The following KCNIP4 variants were observed in gnomAD, a reference collection of about 807,000 sequenced individuals.
KCNIP4 encodes Kv channel-interacting protein 4.
KCNIP4 carries 12 observed loss-of-function variants against 34.0 expected under a neutral mutation model. The ratio of observed to expected loss-of-function variants is 0.35; its 90% CI spans 0.23 to 0.57. The LOEUF is 0.57. Among genes scored for constraint, KCNIP4 ranks in the 20% least tolerant of loss-of-function variants. KCNIP4 has a pLI of 0.83. For missense variants in KCNIP4, 238 were observed against 311.7 expected (o/e 0.76, Z 1.78); for synonymous variants, 124 against 102.2 (o/e 1.21, Z -1.29).
intron 1 of KCNIP4, among the ~76,000 whole-genome samples, chr4:20,988,159 T>C (rs1399374203): frequency 2.6e-5 from 4 of 152,118 alleles, no homozygotes; most frequent in Non-Finnish European, 5.9e-5. Flanking sequence ...GGGATTTGAA[T>C]GTGGGTATAC....
chr4:21,309,105 G>A (rs1377955393), intron 1 of KCNIP4, among the ~76,000 whole-genome samples: 2 of 152,106 alleles, frequency 1.3e-5, no homozygotes, highest in East Asian at 3.9e-4. Context: ...GAAAAATAAT[G>A]TTTATAAAAT....
chr4:20,992,295 C>A (rs1185735252), intron 1 of KCNIP4, among the ~76,000 whole-genome samples: 1 of 152,028 alleles, frequency 6.6e-6, no homozygotes, highest in Non-Finnish European at 1.5e-5. Flanking sequence ...TGGGTGCAAG[C>A]AGGGGAAATG....
At chr4:20,804,939 C>T (rs1440412873) in intron 3 of KCNIP4, among the ~76,000 whole-genome samples, 1 of 152,088 alleles carries the variant, frequency 6.6e-6, no homozygotes, top group Non-Finnish European at 1.5e-5. Context: ...AATTCTAGAG[C>T]CTCATAAATG....
intron 1 of KCNIP4, among the ~76,000 whole-genome samples, chr4:21,545,175 C>T (rs926137344): frequency 1.3e-5 from 2 of 152,060 alleles, no homozygotes; most frequent in East Asian, 1.9e-4. Flanking sequence ...TGACAGTTTA[C>T]AAATGTCATG....
At chr4:21,038,311 T>C (rs1478461688) in intron 1 of KCNIP4, among the ~76,000 whole-genome samples, 1 of 152,218 alleles carries the variant, frequency 6.6e-6, no homozygotes, top group Non-Finnish European at 1.5e-5. Flanking sequence ...TGAAATATTA[T>C]TCTCAGATTA....
intron 1 of KCNIP4, among the ~76,000 whole-genome samples, chr4:21,611,086 T>C (rs1468962965): frequency 6.6e-6 from 1 of 152,058 alleles, no homozygotes; most frequent in Non-Finnish European, 1.5e-5. Flanking sequence ...TTCTGTTCTT[T>C]TGTTAGTTTG....
intron 1 of KCNIP4, among the ~76,000 whole-genome samples, chr4:20,904,329 GTGTA>G (rs1560557661): frequency 3.5e-5 from 5 of 144,918 alleles, no homozygotes; most frequent in Admixed American, 1.4e-4. Flanking sequence ...ATGTGTGTGT[GTGTA>G]TATATATATA....
chr4:20,922,868 T>G (rs561821748), intron 1 of KCNIP4, among the ~76,000 whole-genome samples: 4 of 152,168 alleles, frequency 2.6e-5, no homozygotes, highest in Admixed American at 1.3e-4. Context: ...TTTTTCAAGT[T>G]ATGTTCTTCT....
chr4:21,337,389 A>T (rs1457670004), intron 1 of KCNIP4, among the ~76,000 whole-genome samples: 2 of 152,208 alleles, frequency 1.3e-5, no homozygotes, highest in Non-Finnish European at 2.9e-5. Flanking sequence ...CTGATTCTAC[A>T]GTCACTTCTC....
chr4:20,743,021 C>T (rs887027401), intron 5 of KCNIP4, among the ~76,000 whole-genome samples: 50 of 99,192 alleles, frequency 5.0e-4, no homozygotes, highest in African/African-American at 2.2e-3. Context: ...TGTGAAGGAC[C>T]CTTATAAGGG....
intron 1 of KCNIP4, among the ~76,000 whole-genome samples, chr4:21,415,574 C>T (rs944354686): frequency 2.6e-5 from 4 of 151,224 alleles, no homozygotes; most frequent in East Asian, 2.0e-4. Flanking sequence ...TGGTGGCGCA[C>T]GCTTGTAATC....
chr4:20,899,102 G>A lies in KCNIP4; in HGVS notation c.62-16393C>T, dbSNP rs35529440. The stretch of plus-strand genomic sequence containing the variant: ...ATCAAATTTAATGATCAATACTTAG[G>A]ATATTGTTAACTGTACATGTTGATG... On this transcript the variant is annotated intron_variant, in intron 1 of 8. Coordinates refer to ENST00000382152, the MANE Select transcript of KCNIP4 (RefSeq NM_025221.6). Among the ~76,000 whole-genome samples the A allele has an allele frequency of 2.4e-3, 364 of 152,228 alleles. 1 individual carries two copies. Among genetic ancestry groups the A allele is most frequent in the Non-Finnish European group, 4.2e-3 (289 of 68,006 alleles).
chr4:21,713,569 A>G (rs1713912109), intron 1 of KCNIP4, among the ~76,000 whole-genome samples: 1 of 152,230 alleles, frequency 6.6e-6, no homozygotes, highest in South Asian at 2.1e-4. Flanking sequence ...AAGGTTGTCC[A>G]TCACCTCGAG....
At chr4:20,939,518 C>T (rs1377256625) in intron 1 of KCNIP4, among the ~76,000 whole-genome samples, 1 of 152,024 alleles carries the variant, frequency 6.6e-6, no homozygotes, top group Non-Finnish European at 1.5e-5. Context: ...GGATTACAGG[C>T]ATATACCACC....
At chr4:21,380,321 A>C (rs1721360665) in intron 1 of KCNIP4, among the ~76,000 whole-genome samples, 1 of 151,970 alleles carries the variant, frequency 6.6e-6, no homozygotes, top group Admixed American at 6.6e-5. Context: ...TCATATTCTT[A>C]AGTAAAAACA....
chr4:21,255,856 C>T (rs1051188251), intron 1 of KCNIP4, among the ~76,000 whole-genome samples: 2 of 152,050 alleles, frequency 1.3e-5, no homozygotes, highest in East Asian at 1.9e-4. Flanking sequence ...GACAATAACC[C>T]GGATGCTTTA....
chr4:20,733,943 C>T (rs925281961), intron 6 of KCNIP4, among the ~76,000 whole-genome samples: 10 of 152,092 alleles, frequency 6.6e-5, no homozygotes, highest in African/African-American at 2.4e-4. Flanking sequence ...CCCTGGGCAC[C>T]TTTTGTCTGT....
Position 20,730,059 on chromosome 4 carries a change from G to T in KCNIP4, c.*23C>A. The T allele has an allele frequency of 6.2e-7, 1 of 1,601,386 alleles. No homozygotes were observed. ...GTAGAATAGTTCACATTTGTCTGTTGGATTCAGGATCTATTTGACAAGTTA... is the reference window on the plus strand; with the variant it reads ...GTAGAATAGTTCACATTTGTCTGTTTGATTCAGGATCTATTTGACAAGTTA... On this transcript the variant is annotated 3_prime_UTR_variant, in exon 9 of 9. Coordinates refer to ENST00000382152, the MANE Select transcript of KCNIP4 (RefSeq NM_025221.6).
chr4:20,902,234 GAAC>G (rs1480175461), intron 1 of KCNIP4, among the ~76,000 whole-genome samples: 1 of 152,100 alleles, frequency 6.6e-6, no homozygotes, highest in African/African-American at 2.4e-5. Context: ...AAAATCTGTG[GAAC>G]AACTGAAAAG....
Sources: gnomAD v4.1 joint callset for allele counts (sites outside exome capture counted in the v4.1 genomes callset) on GRCh38, gnomAD v4.1.1 for gene constraint, MANE v1.5 for transcripts, NCBI Gene and HGNC (gene_info 2026-07-23, HGNC 2026-07-21) for gene names.